Variants in MYO16 observed in about 807,000 individuals in gnomAD.
MYO16 encodes unconventional myosin-XVI.
A neutral mutation model predicts 205.3 loss-of-function variants in MYO16; 94 were observed. That is an observed-to-expected ratio of 0.46 (90% CI 0.39 to 0.54). The LOEUF (loss-of-function observed/expected upper bound fraction) is 0.54. Ranked by LOEUF, MYO16 falls within the 20% of genes least tolerant of loss-of-function variation. MYO16 has a pLI of 0.00. For missense variants in MYO16, 2,315 were observed against 2,387.5 expected (o/e 0.97, Z 0.63); for synonymous variants, 988 against 954.0 (o/e 1.04, Z -0.66).
chr13:108,781,373 G>T lies in MYO16; in HGVS notation c.508-4262G>T, dbSNP rs565714529. 7.2e-5 allele frequency among the ~76,000 whole-genome samples: 11 copies of T among 152,326 alleles called. No individual in the cohort carries two copies. The South Asian group carries it at 1.9e-3, about 26-fold the overall frequency. On this transcript the variant is annotated intron_variant, in intron 4 of 34. Transcript: ENST00000457511. ...GTGGGTAGATGAATGGCAGATAGCT[G>T]AAAGAACACTAGGGAGGTGGGGTGG...
At chr13:109,014,863 G>A (rs1307695602) in intron 22 of MYO16, among the ~76,000 whole-genome samples, 2 of 152,156 alleles carry the variant, frequency 1.3e-5, no homozygotes, top group African/African-American at 4.8e-5. Context: ...GAGATTTTTG[G>A]CTGAGATGAT....
At chr13:108,624,784 A>AGTGTGT (rs6145237), upstream of MYO16, among the ~76,000 whole-genome samples, 101 of 90,846 alleles carry the variant, frequency 1.1e-3, no homozygotes, top group African/African-American at 3.2e-3. Flanking sequence ...ATATAGCCTG[A>AGTGTGT]GTGTGTGTGT....
At chr13:108,647,124 G>A (rs1199482890) in intron 1 of MYO16, among the ~76,000 whole-genome samples, 1 of 152,060 alleles carries the variant, frequency 6.6e-6, no homozygotes, top group Non-Finnish European at 1.5e-5. Context: ...TGAAAGTTCA[G>A]AGACTTTTCT....
At position 109,125,860 on chromosome 13, in the gene MYO16, A is replaced by G. The variant is rs1318337308; in HGVS notation, c.3782+502A>G. On this transcript the variant is annotated intron_variant, in intron 30 of 34. Transcript: ENST00000457511. This position sits in a 1 kb window ranked among gnomAD's most constrained non-coding sequence, Gnocchi z 4.0. ...TAAACTGTCACGTCTCTCTTTACCAATAAAGCAAGCTTTGGGGAAAGCTTT... is the reference window on the plus strand; with the variant it reads ...TAAACTGTCACGTCTCTCTTTACCAGTAAAGCAAGCTTTGGGGAAAGCTTT... 6.6e-6 allele frequency among the ~76,000 whole-genome samples: 1 copy of G among 152,186 alleles called. No homozygotes were observed.
the MYO16 span, among the ~76,000 whole-genome samples, chr13:108,504,184 C>G: frequency 1.3e-4 from 19 of 151,812 alleles, no homozygotes; most frequent in East Asian, 3.7e-3. Context: ...TGCAGTGGCA[C>G]GATCTCAGCT....
At chr13:109,010,957 T>TTATA (rs67321937) in intron 22 of MYO16, among the ~76,000 whole-genome samples, 3,275 of 118,548 alleles carry the variant, frequency 0.028, 352 homozygotes, top group African/African-American at 0.096. Flanking sequence ...ACATATAATA[T>TTATA]TATATATATA....
In MYO16 at chr13:108,638,444, C is replaced by T. The variant is rs548778140; in HGVS notation, c.28+8572C>T. ...GCTTCATGCTCCTCAAATACCTTTC[C>T]ACTCAAATATAGCATTTCATCTCCC... On this transcript the variant is annotated intron_variant, in intron 1 of 34. Coordinates refer to ENST00000457511, the MANE Select transcript of MYO16 (RefSeq NM_001198950.3). 6.6e-5 allele frequency among the ~76,000 whole-genome samples: 10 copies of T among 152,264 alleles called. No homozygotes were observed. The South Asian group carries it at 2.1e-3, about 32-fold the overall frequency.
chr13:108,835,939 T>A (rs915060902), intron 9 of MYO16, among the ~76,000 whole-genome samples: 2 of 152,138 alleles, frequency 1.3e-5, no homozygotes, highest in African/African-American at 2.4e-5. Context: ...AAAAATCTAT[T>A]TCTTGGGGAA....
chr13:109,023,497 A>G (rs183359309), intron 23 of MYO16, among the ~76,000 whole-genome samples: 1 of 107,522 alleles, frequency 9.3e-6, no homozygotes, highest in Non-Finnish European at 1.8e-5. Flanking sequence ...TTTATATATT[A>G]TACAGATATA....
intron 27 of MYO16, among the ~76,000 whole-genome samples, chr13:109,059,548 G>A (rs548500467): frequency 2.9e-4 from 44 of 152,170 alleles, no homozygotes; most frequent in South Asian, 1.9e-3. Flanking sequence ...TTTGTTGGCC[G>A]CATAAATGTC....
chr13:108,625,198 T>A (rs1043345145), upstream of MYO16, among the ~76,000 whole-genome samples: 1 of 152,172 alleles, frequency 6.6e-6, no homozygotes, highest in Non-Finnish European at 1.5e-5. Flanking sequence ...TGGAGAAATG[T>A]GAGACTACGT....
intron 2 of MYO16, among the ~76,000 whole-genome samples, chr13:108,687,101 A>T (rs9520960): frequency 6.6e-6 from 1 of 152,118 alleles, no homozygotes; most frequent in Admixed American, 6.5e-5. Flanking sequence ...TCAGATAACA[A>T]GGATTCACAT....
chr13:108,676,970 A>G (rs1412027664), intron 2 of MYO16, among the ~76,000 whole-genome samples: 1 of 152,102 alleles, frequency 6.6e-6, no homozygotes, highest in African/African-American at 2.4e-5. Context: ...GCCAACACGA[A>G]TTCCTTGAAG....
At chr13:108,503,051 GTTATTT>G in the MYO16 span, among the ~76,000 whole-genome samples, 1 of 152,154 alleles carries the variant, frequency 6.6e-6, no homozygotes, top group South Asian at 2.1e-4. Flanking sequence ...GCTAAGATAT[GTTATTT>G]CTAAGGAAGG....
intron 16 of MYO16, among the ~76,000 whole-genome samples, chr13:108,943,902 A>G (rs1176910077): frequency 6.6e-6 from 1 of 152,198 alleles, no homozygotes; most frequent in African/African-American, 2.4e-5. Flanking sequence ...TTCTTTAGCT[A>G]AAATATGTCA....
At chr13:109,036,982 C>T (rs1886737923) in intron 23 of MYO16, among the ~76,000 whole-genome samples, 1 of 152,086 alleles carries the variant, frequency 6.6e-6, no homozygotes, top group Non-Finnish European at 1.5e-5. Context: ...GACCTAAAAT[C>T]TTCTCTCTGC....
upstream of MYO16, among the ~76,000 whole-genome samples, chr13:108,592,784 C>G (rs1481140154): frequency 6.6e-6 from 1 of 150,664 alleles, no homozygotes; most frequent in African/African-American, 2.5e-5. Context: ...CATTCATTCT[C>G]TCTTAGAAGC....
the MYO16 span, among the ~76,000 whole-genome samples, chr13:108,544,433 T>G: frequency 6.6e-6 from 1 of 152,200 alleles, no homozygotes. Context: ...TTATGGGCTA[T>G]ATGAGAGATT....
chr13:109,089,188 C>CATT (rs34430414), intron 27 of MYO16, among the ~76,000 whole-genome samples: 4,743 of 147,820 alleles, frequency 0.032, 110 homozygotes, highest in Middle Eastern at 0.053. Flanking sequence ...TTGTTTTCTG[C>CATT]ATTATTATTA....
Sources: gnomAD v4.1 joint callset for allele counts (sites outside exome capture counted in the v4.1 genomes callset) on GRCh38, gnomAD v4.1.1 for gene constraint, Gnocchi (gnomAD v3.1) non-coding constraint, MANE v1.5 for transcripts, NCBI Gene and HGNC (gene_info 2026-07-23, HGNC 2026-07-21) for gene names.